Variants in CHD3 observed in about 807,000 individuals in gnomAD.
The protein encoded by CHD3 is chromodomain helicase DNA binding protein 3.
Under a neutral mutation model 248.9 loss-of-function variants are expected in CHD3, and 52 were observed. That is an observed-to-expected ratio of 0.21 (90% CI 0.17 to 0.26). The LOEUF (loss-of-function observed/expected upper bound fraction) is 0.26, where lower values mean the gene tolerates loss of function less well. Among genes scored for constraint, CHD3 ranks in the 10% least tolerant of loss-of-function variants. The pLI, the probability that CHD3 is intolerant of heterozygous loss-of-function variation, is 1.00. For synonymous variants in CHD3, 985 were observed against 985.2 expected, an observed-to-expected ratio of 1.00 and a Z score of 0.00; for missense variants, 1,482 against 2,605.8, an observed-to-expected ratio of 0.57 and a Z score of 9.39.
intron 4 of CHD3, 48 bp downstream of exon 4, chr17:7,891,112 G>A (rs1207417595): frequency 6.2e-7 from 1 of 1,604,494 alleles, no homozygotes; most frequent in Admixed American, 1.7e-5. Flanking sequence ...TTTAATTTGA[G>A]GGAGGTCCTG....
In CHD3 at chr17:7,903,104, A is replaced by ACAC; in HGVS notation, c.3495+43_3495+44insCAC. 6.3e-7 allele frequency: 1 copy of ACAC among 1,599,354 alleles called. No homozygotes were observed. Among genetic ancestry groups the ACAC allele is most frequent in the East Asian group, 2.2e-5 (1 of 44,542 alleles). On this transcript the variant is annotated intron_variant, in intron 22 of 39. Coordinates refer to ENST00000330494, the MANE Select transcript of CHD3 (RefSeq NM_001005273.3). The surrounding 1 kb of genome is among the most constrained non-coding windows in gnomAD (Gnocchi z 6.8). ...AGAACCCCTGCACCATTTAGCAAGG[A>ACAC]GATGTGGGTTCATGGAGGAGGGTGT...
In CHD3 at chr17:7,897,205, A is replaced by T; in HGVS notation, c.1830A>T (p.Lys610Asn). Residue 610 changes from lysine to asparagine, a missense_variant, in exon 11 of 40, where the codon AAA becomes AAT. Physicochemically the swap from Lys to Asn is moderately conservative, Grantham distance 94. Transcript: ENST00000330494. The surrounding 1 kb of genome is among the most constrained non-coding windows in gnomAD (Gnocchi z 4.8). ...GGAAGAGCGACAAGCGTAAAGTGAA[A>T]GACCCGCACTATGCTGAGATGGAGG... The part of the protein sequence containing the change: ...DDGKSDKRKV[K>N]DPHYAEMEEK... The T allele has an allele frequency of 1.2e-6, 2 of 1,614,178 alleles. No homozygotes were observed. Among genetic ancestry groups the T allele is most frequent in the Non-Finnish European group, 1.7e-6 (2 of 1,180,000 alleles).
At chr17:7,896,733 G>T (rs993940191) in intron 10 of CHD3, among the ~76,000 whole-genome samples, 2 of 148,528 alleles carry the variant, frequency 1.3e-5, no homozygotes, top group South Asian at 2.1e-4. Flanking sequence ...ATCTTGGCTC[G>T]CTGCAACCTC....
At position 7,906,996 on chromosome 17, in the gene CHD3, C is replaced by T; in HGVS notation, c.4631C>T (p.Ala1544Val). The change falls in exon 30 of 40, where the codon GCT becomes GTT. Residue 1544 changes from alanine (A) to valine (V), a missense_variant. By Grantham distance (64) the Ala-to-Val change is moderately conservative. This residue lies in a region of CHD3 where 254 missense variants were observed against 266.7 expected (regional missense o/e 0.95). Coordinates refer to ENST00000330494, the MANE Select transcript of CHD3 (RefSeq NM_001005273.3). This position sits in a 1 kb window ranked among gnomAD's most constrained non-coding sequence, Gnocchi z 5.0. ...PTKTSPTTPE[A>V]SATNSPCTSK... ...AAAACGTCTCCCACCACTCCTGAGGCTTCTGCTACCAACAGTCCCTGCACC... is the reference window on the plus strand; with the variant it reads ...AAAACGTCTCCCACCACTCCTGAGGTTTCTGCTACCAACAGTCCCTGCACC... 2 of 1,614,202 alleles carry T rather than the reference C, an allele frequency of 1.2e-6. No homozygotes were observed. The highest frequency in any genetic ancestry group is 1.7e-6 in the Non-Finnish European group (2 of 1,180,024).
Position 7,908,854 on chromosome 17 carries a change from G to A in CHD3, c.5394+25G>A, listed in dbSNP as rs191465469. The A allele has an allele frequency of 5.6e-4, 899 of 1,614,006 alleles. 6 individuals are homozygous for A. The highest frequency in any genetic ancestry group is 4.5e-4 in the Admixed American group (27 of 60,014). ...GGTGGGAATGAGGGAGGAAAGGAGC[G>A]GGTTATAGACGGGCTTGGGTCAGAA... On this transcript the variant is annotated intron_variant, in intron 36 of 39. Transcript: ENST00000330494. This position sits in a 1 kb window ranked among gnomAD's most constrained non-coding sequence, Gnocchi z 5.8.
At chr17:7,885,304 T>TCCCCCGCCGCCGCCG (rs1967654629), upstream of CHD3, 1 of 66,134 alleles carries the variant, frequency 1.5e-5, no homozygotes, top group African/African-American at 7.6e-5. Context: ...GCCGCACCCC[T>TCCCCCGCCGCCGCCG]CCCCCGCCGC....
chr17:7,901,489 A>ATT (rs1371782306), intron 20 of CHD3, 114 bp downstream of exon 20: 1 of 449,410 alleles, frequency 2.2e-6, no homozygotes, highest in Non-Finnish European at 3.7e-6. Flanking sequence ...AAATGAGGAG[A>ATT]TTCCTCCTGT....
chr17:7,886,934 A>G (rs900217984), upstream of CHD3, among the ~76,000 whole-genome samples: 1 of 152,120 alleles, frequency 6.6e-6, no homozygotes, highest in Non-Finnish European at 1.5e-5. The surrounding 1 kb of genome is among the most constrained non-coding windows in gnomAD (Gnocchi z 4.2). Context: ...CTTTCTGAAT[A>G]GACCAGAAGA....
At position 7,910,792 on chromosome 17, in the gene CHD3, C is replaced by G; in HGVS notation, c.5755-55C>G. ...GCTCATAATGTCTCTCCTACAGCTT[C>G]TTTCCTCTCACAGACTATGAACTAA... On this transcript the variant is annotated intron_variant, in intron 38 of 39. Coordinates refer to ENST00000330494, the MANE Select transcript of CHD3 (RefSeq NM_001005273.3). This position sits in a 1 kb window ranked among gnomAD's most constrained non-coding sequence, Gnocchi z 4.7. 3 of 1,570,216 alleles carry G rather than the reference C, an allele frequency of 1.9e-6. No homozygotes were observed. Among genetic ancestry groups the G allele is most frequent in the Non-Finnish European group, 2.6e-6 (3 of 1,161,470 alleles).
chr17:7,885,606 G>A (rs1414749840), upstream of CHD3, among the ~76,000 whole-genome samples: 1 of 151,836 alleles, frequency 6.6e-6, no homozygotes, highest in East Asian at 2.0e-4. Flanking sequence ...TCTGGCCCCG[G>A]TGGGGTTGGA....
At position 7,909,505 on chromosome 17, in the gene CHD3, C is replaced by T. The variant is rs1971391631; in HGVS notation, c.5590+167C>T. The T allele has an allele frequency of 9.6e-7, 1 of 1,036,556 alleles. No homozygotes were observed. Among genetic ancestry groups the T allele is most frequent in the Non-Finnish European group, 1.3e-6 (1 of 741,690 alleles). 64.2% of individuals were successfully genotyped at this position (1,036,556 alleles called of 1,614,324 possible). On this transcript the variant is annotated intron_variant, in intron 37 of 39. Transcript: ENST00000330494. This position sits in a 1 kb window ranked among gnomAD's most constrained non-coding sequence, Gnocchi z 8.1. The stretch of plus-strand genomic sequence containing the variant: ...GACCTGGCACCCCCTTGGATTTTAG[C>T]CTCTAGGACTTGTGCAAGCCAACCC...
Position 7,890,706 on chromosome 17 carries a change from C to T in CHD3, c.349C>T (p.Arg117Trp). The change falls in exon 3 of 40, where the codon CGG (arginine) becomes TGG (tryptophan). Residue 117 changes from arginine to tryptophan, a missense_variant. Arg to Trp is a moderately radical substitution (Grantham distance 101). Coordinates refer to ENST00000330494, the MANE Select transcript of CHD3 (RefSeq NM_001005273.3). Reference sequence around the variant, plus strand: ...AGAAAAAAAGGAGAAGAAGACAAAGCGGCGGAAAAAGGGGGAGGGAGATGG... The same window carrying T: ...AGAAAAAAAGGAGAAGAAGACAAAGTGGCGGAAAAAGGGGGAGGGAGATGG... The part of the protein sequence containing the change: ...HREKKEKKTK[R>W]RKKGEGDGGQ... 9.0e-6 allele frequency: 14 copies of T among 1,560,680 alleles called. No homozygotes were observed. Among genetic ancestry groups the T allele is most frequent in the Middle Eastern group, 1.7e-4 (1 of 5,822 alleles).
Position 7,902,968 on chromosome 17 carries a change from G to C in CHD3, c.3402G>C (p.Leu1134=). ...GGGCCCAACAATTCTGCTTCCTCCT[G>C]TCCACCCGAGCTGGGGGCCTGGGCA... ...APGAQQFCFL[L]STRAGGLGIN... Residue 1134 remains leucine (L), a synonymous_variant, in exon 22 of 40, where the codon CTG becomes CTC. Transcript: ENST00000330494. 1 of 1,614,088 alleles carries C rather than the reference G, an allele frequency of 6.2e-7. No homozygotes were observed. The highest frequency in any genetic ancestry group is 1.1e-5 in the South Asian group (1 of 91,082).
upstream of CHD3, among the ~76,000 whole-genome samples, chr17:7,885,744 C>G (rs74964036): frequency 1.1e-4 from 16 of 152,288 alleles, no homozygotes; most frequent in East Asian, 3.1e-3. Flanking sequence ...CTTAGGTGCC[C>G]GCCAACTGAG....
intron 10 of CHD3, among the ~76,000 whole-genome samples, chr17:7,896,658 G>T (rs1460995900): frequency 6.7e-6 from 1 of 150,130 alleles, no homozygotes; most frequent in African/African-American, 2.5e-5. Context: ...ACCTGCCTCT[G>T]CCTCCCAAAG....
In CHD3 at chr17:7,905,968, G is replaced by T. The variant is rs1970874614; in HGVS notation, c.4337G>T (p.Gly1446Val). Residue 1446 changes from glycine (G) to valine (V), a missense_variant, in exon 28 of 40, where the codon GGC (glycine) becomes GTC (valine). Coordinates refer to ENST00000330494, the MANE Select transcript of CHD3 (RefSeq NM_001005273.3). This position sits in a 1 kb window ranked among gnomAD's most constrained non-coding sequence, Gnocchi z 5.8. ...CAGTGGCTGGTGCGGGACCTGAGGGGCAAGACTGAGAAGGAGTTTAAGTGA... is the reference window on the plus strand; with the variant it reads ...CAGTGGCTGGTGCGGGACCTGAGGGTCAAGACTGAGAAGGAGTTTAAGTGA... ...TTQWLVRDLR[G>V]KTEKEFKAYV... is the part of the protein sequence containing the mutation. The T allele has an allele frequency of 1.2e-6, 2 of 1,614,140 alleles. No individual in the cohort carries two copies. Among genetic ancestry groups the T allele is most frequent in the Non-Finnish European group, 1.7e-6 (2 of 1,180,020 alleles).
At chr17:7,898,903 G>C (rs946683483) in intron 13 of CHD3, 108 bp from the exon 14 acceptor site, 1 of 1,003,332 alleles carries the variant, frequency 1.0e-6, no homozygotes. Context: ...TCAGGCCATA[G>C]TAGAGGGAAT....
rs778300249 is a variant in CHD3 at position 7,899,318 on chromosome 17, T to G, written c.2344-25T>G. 1.9e-6 allele frequency: 3 copies of G among 1,613,080 alleles called. No individual in the cohort carries two copies. Among genetic ancestry groups the G allele is most frequent in the South Asian group, 1.1e-5 (1 of 91,072 alleles). ...GTATACGGCCTCTAGCCTAGACTTATGCTGCCCCCATTCTTGACTCCCAGG... is the reference window on the plus strand; with the variant it reads ...GTATACGGCCTCTAGCCTAGACTTAGGCTGCCCCCATTCTTGACTCCCAGG... On this transcript the variant is annotated intron_variant, in intron 14 of 39. Transcript: ENST00000330494. The surrounding 1 kb of genome is among the most constrained non-coding windows in gnomAD (Gnocchi z 6.8).
chr17:7,886,165 C>G (rs1967912658), upstream of CHD3, among the ~76,000 whole-genome samples: 1 of 152,232 alleles, frequency 6.6e-6, no homozygotes, highest in Non-Finnish European at 1.5e-5. The surrounding 1 kb of genome is among the most constrained non-coding windows in gnomAD (Gnocchi z 4.2). Context: ...GCCCACCCAG[C>G]TGTTCTGCAG....
Sources: allele counts gnomAD v4.1 joint callset (sites outside exome capture counted in the v4.1 genomes callset), GRCh38; gene constraint gnomAD v4.1.1; regional missense constraint gnomAD v4.1.1; non-coding constraint Gnocchi (gnomAD v3.1); transcripts MANE v1.5; gene names NCBI Gene and HGNC (gene_info 2026-07-23, HGNC 2026-07-21).